Variants in ZNF362 observed in about 807,000 individuals in gnomAD.
ZNF362 encodes the protein rotund homolog.
ZNF362 carries 11 observed loss-of-function variants against 42.9 expected under a neutral mutation model. That is an observed-to-expected ratio of 0.26 (90% CI 0.16 to 0.42). ZNF362 has a LOEUF of 0.42. ZNF362 is among the 20% of genes least tolerant of loss of function. The probability of loss-of-function intolerance (pLI) is 1.00; values close to 1 mark genes in which losing one functional copy is unlikely to be tolerated. For synonymous variants in ZNF362, 255 were observed against 257.3 expected, an observed-to-expected ratio of 0.99 and a Z score of 0.09; for missense variants, 362 against 576.2, an observed-to-expected ratio of 0.63 and a Z score of 3.81.
chr1:33,196,497 G>A, the ZNF362 span, among the ~76,000 whole-genome samples: 2,443 of 152,170 alleles, frequency 0.016, 64 homozygotes, highest in African/African-American at 0.055. Flanking sequence ...TCCACATCTC[G>A]CCCCACTGGA....
At chr1:33,170,528 T>A in the ZNF362 span, among the ~76,000 whole-genome samples, 13 of 152,140 alleles carry the variant, frequency 8.5e-5, no homozygotes, top group African/African-American at 2.4e-4. Context: ...CTTCAGGATG[T>A]CCCTGCCCAA....
the ZNF362 span, among the ~76,000 whole-genome samples, chr1:33,197,246 G>T: frequency 6.6e-6 from 1 of 152,162 alleles, no homozygotes; most frequent in Non-Finnish European, 1.5e-5. Context: ...GAGGCTGTCA[G>T]ACTCAGACTG....
At chr1:33,175,754 G>A in the ZNF362 span, among the ~76,000 whole-genome samples, 2 of 151,998 alleles carry the variant, frequency 1.3e-5, no homozygotes, top group African/African-American at 4.8e-5. Context: ...TCAGGGAGTA[G>A]GGAACGAAAA....
At chr1:33,184,532 T>G in the ZNF362 span, among the ~76,000 whole-genome samples, 316 of 152,276 alleles carry the variant, frequency 2.1e-3, 3 homozygotes, top group African/African-American at 7.2e-3. Context: ...GCTTTTGCTC[T>G]CCCATGCTCC....
the ZNF362 span, chr1:33,147,779 C>T: frequency 1.3e-6 from 2 of 1,569,654 alleles, no homozygotes; most frequent in Non-Finnish European, 1.7e-6. The surrounding 1 kb of genome is among the most constrained non-coding windows in gnomAD (Gnocchi z 8.1). Context: ...GGCTGTGGAC[C>T]CACCATGCAG....
chr1:33,224,030 C>T, the ZNF362 span, among the ~76,000 whole-genome samples: 1 of 152,020 alleles, frequency 6.6e-6, no homozygotes, highest in Admixed American at 6.5e-5. Flanking sequence ...AGAACATGAT[C>T]CAGAGTTTCA....
the ZNF362 span, among the ~76,000 whole-genome samples, chr1:33,250,784 AAGGAGAAGGAGG>A: frequency 1.3e-5 from 2 of 150,370 alleles, no homozygotes; most frequent in Non-Finnish European, 3.0e-5. Context: ...AAGAAGAAAG[AAGGAGAAGGAGG>A]AGGAGAAGGA....
At chr1:33,174,797 G>A in the ZNF362 span, among the ~76,000 whole-genome samples, 31 of 151,950 alleles carry the variant, frequency 2.0e-4, no homozygotes, top group Non-Finnish European at 4.1e-4. Flanking sequence ...CCTATCTTTC[G>A]GGACCACACA....
the ZNF362 span, chr1:33,146,989 G>A: frequency 1.4e-4 from 88 of 627,052 alleles, 1 homozygote; most frequent in South Asian, 1.6e-3. Context: ...ACAGAACATC[G>A]ATGCTGGAAG....
the ZNF362 span, among the ~76,000 whole-genome samples, chr1:33,234,825 G>A: frequency 6.6e-6 from 1 of 152,216 alleles, no homozygotes. Context: ...CTATGATGCA[G>A]GAAGTGGGAC....
At chr1:33,183,818 G>A in the ZNF362 span, among the ~76,000 whole-genome samples, 10 of 152,188 alleles carry the variant, frequency 6.6e-5, no homozygotes, top group East Asian at 1.7e-3. Flanking sequence ...GGAGGGCAAG[G>A]CCAAGAGAGT....
At chr1:33,144,055 T>C in the ZNF362 span, among the ~76,000 whole-genome samples, 5 of 152,350 alleles carry the variant, frequency 3.3e-5, no homozygotes, top group South Asian at 8.3e-4. Flanking sequence ...ATGGCATTCA[T>C]GATTATGCCT....
chr1:33,150,760 A>C, the ZNF362 span, among the ~76,000 whole-genome samples: 1 of 151,786 alleles, frequency 6.6e-6, no homozygotes, highest in Non-Finnish European at 1.5e-5. Context: ...CTGTAGGAGG[A>C]GTGTGTGGTA....
In ZNF362 at chr1:33,266,460, G is replaced by A. The variant is rs138833411; in HGVS notation, c.-88-4027G>A. On this transcript the variant is annotated intron_variant, in intron 1 of 8. Coordinates refer to ENST00000539719, the MANE Select transcript of ZNF362 (RefSeq NM_152493.3). This position sits in a 1 kb window ranked among gnomAD's most constrained non-coding sequence, Gnocchi z 4.3. The stretch of plus-strand genomic sequence containing the variant: ...ATGGTATTAATACAAAGGTGGGGTA[G>A]GGAGAAGGCAGGGGACCATGGGAGT... Among the ~76,000 whole-genome samples the A allele has an allele frequency of 2.8e-3, 431 of 152,328 alleles. 3 individuals carry two copies. The highest frequency in any genetic ancestry group is 7.7e-3 in the African/African-American group (321 of 41,576).
chr1:33,281,592 A>G lies in ZNF362; in HGVS notation c.689A>G (p.Lys230Arg), dbSNP rs749184844. 3.7e-6 allele frequency: 6 copies of G among 1,614,050 alleles called. No homozygotes were observed. The African/African-American group carries it at 4.0e-5, about 11-fold the overall frequency. Residue 230 changes from lysine to arginine, a missense_variant, in exon 6 of 9, where the codon AAG becomes AGG. Physicochemically the swap from Lys to Arg is conservative, Grantham distance 26. Around this residue, in one of 3 missense-constraint regions of ZNF362, gnomAD observed 266 missense variants for 365.4 expected, o/e 0.73. Transcript: ENST00000539719. This position sits in a 1 kb window ranked among gnomAD's most constrained non-coding sequence, Gnocchi z 4.8. ...TAKEGKTYRCKVCPLTFFTKS... is the reference protein window; with the variant it reads ...TAKEGKTYRCRVCPLTFFTKS... ...ACCTGTCTCTTGCTCCGCAGGTGTA[A>G]GGTATGCCCACTGACCTTTTTCACC...
the ZNF362 span, among the ~76,000 whole-genome samples, chr1:33,189,670 T>TACAC: frequency 2.0e-5 from 2 of 98,512 alleles, no homozygotes; most frequent in African/African-American, 4.1e-5. Context: ...TATATATATA[T>TACAC]ATGTATATAT....
At position 33,276,181 on chromosome 1, in the gene ZNF362, C is replaced by T; in HGVS notation, c.102+18C>T. The T allele has an allele frequency of 6.2e-7, 1 of 1,612,428 alleles. No homozygotes were observed. On this transcript the variant is annotated intron_variant, in intron 3 of 8. Transcript: ENST00000539719. ...CCAGCCAGGTAAGACTGACGTCGCC[C>T]CTCCGGCTGCCCTACCCTCCTTGGC...
chr1:33,270,700 T>C, intron 2 of ZNF362, 88 bp downstream of exon 2: 1 of 1,562,834 alleles, frequency 6.4e-7, no homozygotes, highest in South Asian at 1.2e-5. Flanking sequence ...CCACCTTCCC[T>C]GAGTGCCCCC....
chr1:33,276,307 G>C, intron 3 of ZNF362, 41 bp from the exon 4 acceptor site: 2 of 1,539,894 alleles, frequency 1.3e-6, no homozygotes, highest in Non-Finnish European at 1.8e-6. Flanking sequence ...AGGGGCGGGA[G>C]GTGGTCCAGA....
Sources: gnomAD v4.1 joint callset for allele counts (sites outside exome capture counted in the v4.1 genomes callset) on GRCh38, gnomAD v4.1.1 for gene constraint, gnomAD v4.1.1 regional missense constraint, Gnocchi (gnomAD v3.1) non-coding constraint, MANE v1.5 for transcripts, NCBI Gene and HGNC (gene_info 2026-07-23, HGNC 2026-07-21) for gene names.